The following CACNA1I variants were observed in gnomAD, a reference collection of about 807,000 sequenced individuals.
CACNA1I encodes the protein calcium voltage-gated channel subunit alpha1 I, also known as voltage-dependent T-type calcium channel subunit alpha-1I.
Under a neutral mutation model 201.6 loss-of-function variants are expected in CACNA1I, and 74 were observed. The observed-to-expected ratio is 0.37, with a 90% confidence interval of 0.30 to 0.45. The LOEUF (loss-of-function observed/expected upper bound fraction) is 0.45, where lower values mean the gene tolerates loss of function less well. Ranked by LOEUF, CACNA1I falls within the 20% of genes least tolerant of loss-of-function variation. CACNA1I has a pLI of 1.00. For synonymous variants in CACNA1I, 1,431 were observed against 1,345.2 expected (o/e 1.06, Z -1.40); for missense variants, 2,346 against 3,138.1 (o/e 0.75, Z 6.03).
Position 39,570,880 on chromosome 22 carries a change from A to G in CACNA1I, c.128A>G (p.Asp43Gly), listed in dbSNP as rs748290230. 3 of 1,613,698 alleles carry G rather than the reference A, an allele frequency of 1.9e-6. No individual in the cohort carries two copies. Among genetic ancestry groups the G allele is most frequent in the Admixed American group, 1.7e-5 (1 of 60,008 alleles). ...CCGCCAGGCCTGGAGGAGCCTCTGG[A>G]TGGAGCTGATCCTCATGTCCCACAC... ...SSPPGLEEPL[D>G]GADPHVPHPD... is the part of the protein sequence containing the mutation. Residue 43 changes from aspartate (D) to glycine (G), a missense_variant, in exon 1 of 37, where the codon GAT becomes GGT. Physicochemically the swap from Asp to Gly is moderately conservative, Grantham distance 94. Coordinates refer to ENST00000402142, the MANE Select transcript of CACNA1I (RefSeq NM_021096.4).
At chr22:39,632,907 G>A (rs1183576935) in intron 4 of CACNA1I, among the ~76,000 whole-genome samples, 1 of 151,058 alleles carries the variant, frequency 6.6e-6, no homozygotes, top group African/African-American at 2.4e-5. Flanking sequence ...TCTCGGTGGG[G>A]TGAAGCAGCC....
At chr22:39,619,776 G>A (rs979900303) in intron 4 of CACNA1I, among the ~76,000 whole-genome samples, 6 of 152,250 alleles carry the variant, frequency 3.9e-5, no homozygotes, top group African/African-American at 1.4e-4. Flanking sequence ...GGAGGACGTC[G>A]TAGAGCATTT....
At chr22:39,645,684 G>A (rs1934467592) in intron 7 of CACNA1I, among the ~76,000 whole-genome samples, 1 of 152,204 alleles carries the variant, frequency 6.6e-6, no homozygotes, top group African/African-American at 2.4e-5. Context: ...CACCTCCAAG[G>A]GGGATGAAAG....
intron 10 of CACNA1I, among the ~76,000 whole-genome samples, chr22:39,655,123 T>C (rs895719450): frequency 1.3e-5 from 2 of 152,054 alleles, no homozygotes; most frequent in Non-Finnish European, 2.9e-5. Flanking sequence ...TCCCTGTCTG[T>C]AAAATGGTGA....
intron 1 of CACNA1I, among the ~76,000 whole-genome samples, chr22:39,593,540 A>G (rs540878587): frequency 6.6e-6 from 1 of 152,324 alleles, no homozygotes; most frequent in East Asian, 1.9e-4. Context: ...AAGTGTAGGC[A>G]GAAGGCGTGT....
Position 39,677,490 on chromosome 22 carries a change from G to T in CACNA1I, c.4933+71G>T. 9.4e-7 allele frequency: 1 copy of T among 1,066,796 alleles called. No homozygotes were observed. Among genetic ancestry groups the T allele is most frequent in the Non-Finnish European group, 1.3e-6 (1 of 751,210 alleles). 66.1% of individuals were successfully genotyped at this position (1,066,796 alleles called of 1,614,324 possible). A position where few individuals can be genotyped will look rare whatever the true frequency, so the allele number is the denominator to read the frequency against. On this transcript the variant is annotated intron_variant, in intron 30 of 36. Coordinates refer to ENST00000402142, the MANE Select transcript of CACNA1I (RefSeq NM_021096.4). This position sits in a 1 kb window ranked among gnomAD's most constrained non-coding sequence, Gnocchi z 4.8. Reference sequence around the variant, plus strand: ...TGCAGGAGGAACTGGGGGGGCGGGGGAGGCCTGAGACCCCTGAGCCCGTCA... The same window carrying T: ...TGCAGGAGGAACTGGGGGGGCGGGGTAGGCCTGAGACCCCTGAGCCCGTCA...
At position 39,687,013 on chromosome 22, in the gene CACNA1I, C is replaced by T. The variant is rs1048732583; in HGVS notation, c.*608C>T. The T allele has an allele frequency of 1.3e-5, 2 of 152,088 alleles. No individual in the cohort carries two copies. Among genetic ancestry groups the T allele is most frequent in the African/African-American group, 4.8e-5 (2 of 41,386 alleles). The allele number at this position is 152,088 out of a possible 1,614,324, so 9.4% of individuals were successfully genotyped here. A position where few individuals can be genotyped will look rare whatever the true frequency, so the allele number is the denominator to read the frequency against. ...GGCTCCCACGTGTCGGGGTGTCTGTCCTGTCATCCTGACTGTCTCGTTATT... is the reference window on the plus strand; with the variant it reads ...GGCTCCCACGTGTCGGGGTGTCTGTTCTGTCATCCTGACTGTCTCGTTATT... On this transcript the variant is annotated 3_prime_UTR_variant, in exon 37 of 37. Coordinates refer to ENST00000402142, the MANE Select transcript of CACNA1I (RefSeq NM_021096.4).
At chr22:39,606,593 C>T (rs944925944) in intron 3 of CACNA1I, among the ~76,000 whole-genome samples, 6 of 152,120 alleles carry the variant, frequency 3.9e-5, no homozygotes, top group Admixed American at 3.3e-4. Flanking sequence ...AGTGCAGTGG[C>T]GCCATCTCGG....
At chr22:39,610,376 G>T (rs1286638138) in intron 3 of CACNA1I, among the ~76,000 whole-genome samples, 1 of 152,196 alleles carries the variant, frequency 6.6e-6, no homozygotes, top group Non-Finnish European at 1.5e-5. Context: ...CTGCCGTTGG[G>T]TGGGCGTGGA....
At chr22:39,654,042 C>T (rs928432694) in intron 10 of CACNA1I, among the ~76,000 whole-genome samples, 7 of 152,216 alleles carry the variant, frequency 4.6e-5, no homozygotes, top group African/African-American at 1.4e-4. Context: ...TCATCATCAC[C>T]GCCATCACTG....
chr22:39,665,516 G>C lies in CACNA1I; in HGVS notation c.3870G>C (p.Pro1290=). The C allele has an allele frequency of 1.2e-6, 2 of 1,613,634 alleles. No homozygotes were observed. Among genetic ancestry groups the C allele is most frequent in the East Asian group, 2.2e-5 (1 of 44,874 alleles). The change falls in exon 22 of 37, where the codon CCG becomes CCC. Residue 1290 remains proline, a synonymous_variant. Coordinates refer to ENST00000402142, the MANE Select transcript of CACNA1I (RefSeq NM_021096.4). This position sits in a 1 kb window ranked among gnomAD's most constrained non-coding sequence, Gnocchi z 5.5. The part of the protein sequence containing the change: ...LRPLRVISRA[P]GLKLVVETLI... ...CCGTCAGTGTCATCAGCCGGGCGCCGGGCCTGAAGCTGGTGGTGGAGACAC... is the reference window on the plus strand; with the variant it reads ...CCGTCAGTGTCATCAGCCGGGCGCCCGGCCTGAAGCTGGTGGTGGAGACAC...
Position 39,649,248 on chromosome 22 carries a change from G to A in CACNA1I, c.1568-253G>A, listed in dbSNP as rs1185368531. ...CCCTGCACCGTGCTGGGCCCATCAT[G>A]TGCCTTAAGGGAGAGAATCCTCCTA... On this transcript the variant is annotated intron_variant, in intron 9 of 36. Transcript: ENST00000402142. This position sits in a 1 kb window ranked among gnomAD's most constrained non-coding sequence, Gnocchi z 7.3. Among the ~76,000 whole-genome samples, 2 of 152,208 alleles carry A rather than the reference G, an allele frequency of 1.3e-5. No homozygotes were observed. Among genetic ancestry groups the A allele is most frequent in the Non-Finnish European group, 2.9e-5 (2 of 68,026 alleles).
At chr22:39,658,902 T>A (rs181107430) in intron 11 of CACNA1I, 29 bp from the exon 12 acceptor site, 14 of 1,559,598 alleles carry the variant, frequency 9.0e-6, no homozygotes, top group Middle Eastern at 3.3e-4. Context: ...CTCCTACCTG[T>A]ACCCTGGGCC....
At chr22:39,597,522 G>C (rs1601805422) in intron 1 of CACNA1I, among the ~76,000 whole-genome samples, 1 of 152,234 alleles carries the variant, frequency 6.6e-6, no homozygotes, top group Non-Finnish European at 1.5e-5. Context: ...TCCGCAGCAG[G>C]AGACTTTCTG....
rs140908158 is a variant in CACNA1I at position 39,620,162 on chromosome 22, CCCAT to C, written c.580+771_580+774del. ...ATCCACCCACCCATCCATCCACCCA[CCCAT>C]CCATCCATCCATCCACTCATCCATC... On this transcript the variant is annotated intron_variant, in intron 4 of 36. Transcript: ENST00000402142. 8.7e-3 allele frequency among the ~76,000 whole-genome samples: 1,081 copies of C among 124,260 alleles called. 20 individuals carry two copies. Among genetic ancestry groups the C allele is most frequent in the African/African-American group, 0.031 (968 of 30,986 alleles). 81.5% of individuals were successfully genotyped at this position (124,260 alleles called of 152,430 possible).
chr22:39,670,504 C>G (rs1166469878), intron 25 of CACNA1I, among the ~76,000 whole-genome samples: 3 of 152,212 alleles, frequency 2.0e-5, no homozygotes, highest in Non-Finnish European at 4.4e-5. Flanking sequence ...CCTGGGTGCC[C>G]TGGGCCATGG....
intron 20 of CACNA1I, among the ~76,000 whole-genome samples, 197 bp from the exon 21 acceptor site, chr22:39,664,542 C>T (rs1935122394): frequency 6.6e-6 from 1 of 152,108 alleles, no homozygotes; most frequent in South Asian, 2.1e-4. Flanking sequence ...TGACCCTGCC[C>T]TGTCCCCTCC....
rs1311994525 is a variant in CACNA1I at position 39,662,168 on chromosome 22, A to G, written c.3105A>G (p.Pro1035=). ...CGCGGGCCGCACCCCTGCACACCCC[A>G]CACGCCCACCACATTCATCACGGGC... The part of the protein sequence containing the change: ...GPPRAAPLHT[P]HAHHIHHGPH... Residue 1035 remains proline, a synonymous_variant, in exon 17 of 37, where the codon CCA becomes CCG. Coordinates refer to ENST00000402142, the MANE Select transcript of CACNA1I (RefSeq NM_021096.4). 6.5e-7 allele frequency: 1 copy of G among 1,531,882 alleles called. No homozygotes were observed. Among genetic ancestry groups the G allele is most frequent in the East Asian group, 2.6e-5 (1 of 38,528 alleles). 94.9% of individuals were successfully genotyped at this position (1,531,882 alleles called of 1,614,324 possible). A position where few individuals can be genotyped will look rare whatever the true frequency, so the allele number is the denominator to read the frequency against.
At position 39,659,651 on chromosome 22, in the gene CACNA1I, G is replaced by T. The variant is rs1290454165; in HGVS notation, c.2449-46G>T. On this transcript the variant is annotated intron_variant, in intron 13 of 36. Transcript: ENST00000402142. The surrounding 1 kb of genome is among the most constrained non-coding windows in gnomAD (Gnocchi z 4.3). ...CTCCCATGCCTCCTTGTAGAGCCTA[G>T]CCCTGGACTAGGGGTACCCCAGGGC... The T allele has an allele frequency of 3.7e-6, 6 of 1,611,448 alleles. No individual in the cohort carries two copies. In the African/African-American group the frequency reaches 6.7e-5, roughly 18 times the overall value.
Sources: gnomAD v4.1 joint callset for allele counts (sites outside exome capture counted in the v4.1 genomes callset) on GRCh38, gnomAD v4.1.1 for gene constraint, Gnocchi (gnomAD v3.1) non-coding constraint, MANE v1.5 for transcripts, NCBI Gene and HGNC (gene_info 2026-07-23, HGNC 2026-07-21) for gene names.